ARX: variants seen among roughly 807,000 people sequenced by gnomAD.
ARX encodes the protein aristaless related homeobox.
Under a neutral mutation model 23.1 loss-of-function variants are expected in ARX, and 1 was observed. That is an observed-to-expected ratio of 0.04 (90% CI 0.02 to 0.21). The LOEUF is 0.21. Among genes scored for constraint, ARX ranks in the 10% least tolerant of loss-of-function variants. The pLI is 1.00. For synonymous variants in ARX, 301 were observed against 270.1 expected, an observed-to-expected ratio of 1.11 and a Z score of -1.12; for missense variants, 380 against 527.5, an observed-to-expected ratio of 0.72 and a Z score of 2.74.
In ARX at chrX:25,004,826, T is replaced by C. The variant is rs1556046751; in HGVS notation, c.1533A>G (p.Ala511=). The C allele has an allele frequency of 1.7e-6, 2 of 1,177,120 alleles. No individual in the cohort carries two copies. Among genetic ancestry groups the C allele is most frequent in the East Asian group, 3.1e-5 (1 of 32,132 alleles). The change falls in exon 5 of 5, where the codon GCA becomes GCG. Residue 511 remains alanine, a synonymous_variant. Transcript: ENST00000379044. The part of the protein sequence containing the change: ...LRQPTPAVEG[A]VASGALADPA... Reference sequence around the variant, plus strand: ...GGTCGGCCAGGGCGCCCGATGCCACTGCGCCCTCCACGGCGGGTGTGGGCT... The same window carrying C: ...GGTCGGCCAGGGCGCCCGATGCCACCGCGCCCTCCACGGCGGGTGTGGGCT...
At chrX:25,007,579 T>A in intron 3 of ARX, 140 bp from the exon 4 acceptor site, 1 of 826,844 alleles carries the variant, frequency 1.2e-6, no homozygotes, top group Non-Finnish European at 1.6e-6. Context: ...CTCTTTGGCC[T>A]CAGGTTGTTT....
chrX:25,010,775 TC>T (rs2048698810), intron 2 of ARX, among the ~76,000 whole-genome samples: 1 of 111,041 alleles, frequency 9.0e-6, no homozygotes, highest in African/African-American at 3.3e-5. Flanking sequence ...AAATTTCTCT[TC>T]CCTCCTTCTT....
At chrX:25,008,148 C>G (rs914388186) in intron 3 of ARX, among the ~76,000 whole-genome samples, 7 of 112,338 alleles carry the variant, frequency 6.2e-5, no homozygotes, top group African/African-American at 2.3e-4. Flanking sequence ...AAGAAAGGCT[C>G]GAGTTAATTA....
chrX:25,013,571 C>G lies in ARX; in HGVS notation c.424G>C (p.Ala142Pro). The part of the protein sequence containing the change: ...TARPGERPDG[A>P]GAAAAAAAAA... ...GCCGCGGCTGCCGCGGCGGCCCCTG[C>G]GCCGTCCGGCCGTTCCCCGGGCCGC... is the stretch of plus-strand genomic sequence containing the variant. The change falls in exon 2 of 5, where the codon GCA (alanine) becomes CCA (proline). Residue 142 changes from alanine (A) to proline (P), a missense_variant. This residue lies in a region of ARX where 235 missense variants were observed against 270.2 expected (regional missense o/e 0.87). Transcript: ENST00000379044. 1 of 761,087 alleles carries G rather than the reference C, an allele frequency of 1.3e-6. No homozygotes were observed. The highest frequency in any genetic ancestry group is 1.5e-6 in the Non-Finnish European group (1 of 645,567). The allele number at this position is 761,087 out of a possible 1,213,427, so 62.7% of individuals were successfully genotyped here. A position where few individuals can be genotyped will look rare whatever the true frequency, so the allele number is the denominator to read the frequency against.
At chrX:25,008,491 A>G (rs758090223) in intron 3 of ARX, among the ~76,000 whole-genome samples, 1 of 112,190 alleles carries the variant, frequency 8.9e-6, no homozygotes, top group African/African-American at 3.2e-5. Flanking sequence ...GGAGACCTTT[A>G]CCTGAAACAT....
In ARX at chrX:25,013,659, TGCCGCCGCCGCCGCCGCC is replaced by T. The variant is rs387906492; in HGVS notation, c.318_335del (p.Ala110_Ala115del). On this transcript the variant is annotated inframe_deletion, in exon 2 of 5. Transcript: ENST00000379044. ...GACCCGCCGTGGCCGTGGCGGCCGCTGCCGCCGCCGCCGCCGCCGCCGCCGCCGCCGCTGCCGCACCCT... is the reference window on the plus strand; with the variant it reads ...GACCCGCCGTGGCCGTGGCGGCCGCTGCCGCCGCCGCCGCTGCCGCACCCT... 20 of 770,739 alleles carry T rather than the reference TGCCGCCGCCGCCGCCGCC, an allele frequency of 2.6e-5. No homozygotes were observed. Among genetic ancestry groups the T allele is most frequent in the Admixed American group, 8.5e-5 (1 of 11,763 alleles). 63.5% of individuals were successfully genotyped at this position (770,739 alleles called of 1,213,427 possible). A position where few individuals can be genotyped will look rare whatever the true frequency, so the allele number is the denominator to read the frequency against.
chrX:25,007,238 AGGC>A lies in ARX; in HGVS notation c.1318_1320del (p.Ala440del), dbSNP rs398124508. ...CCCGGAGGCGGAGGTAGGCTCGGGAAGGCGGCGGCGGCGGCGGCGGCAGCGGCA... is the reference window on the plus strand; with the variant it reads ...CCCGGAGGCGGAGGTAGGCTCGGGAAGGCGGCGGCGGCGGCGGCAGCGGCA... On this transcript the variant is annotated inframe_deletion, in exon 4 of 5. Coordinates refer to ENST00000379044, the MANE Select transcript of ARX (RefSeq NM_139058.3). 171 of 1,122,372 alleles carry A rather than the reference AGGC, an allele frequency of 1.5e-4. No homozygotes were observed. Among genetic ancestry groups the A allele is most frequent in the Admixed American group, 9.9e-4 (32 of 32,461 alleles). The allele number at this position is 1,122,372 out of a possible 1,213,427, so 92.5% of individuals were successfully genotyped here.
chrX:25,007,513 C>A, intron 3 of ARX, 74 bp from the exon 4 acceptor site: 1 of 1,084,587 alleles, frequency 9.2e-7, no homozygotes. Context: ...CCGTCCCTTC[C>A]CTTGGCGCGC....
intron 3 of ARX, 79 bp from the exon 4 acceptor site, chrX:25,007,518 G>T (rs1288569122): frequency 4.7e-6 from 5 of 1,073,967 alleles, no homozygotes; most frequent in Middle Eastern, 3.5e-4. Flanking sequence ...CCTTCCCTTG[G>T]CGCGCTGCGG....
rs2048667535 is a variant in ARX, at chrX:25,004,438, T to C, written c.*232A>G. The C allele has an allele frequency of 8.8e-6, 4 of 454,393 alleles. No homozygotes were observed. The highest frequency in any genetic ancestry group is 1.5e-5 in the Non-Finnish European group (4 of 272,342). The allele number at this position is 454,393 out of a possible 1,213,427, so 37.4% of individuals were successfully genotyped here. On this transcript the variant is annotated 3_prime_UTR_variant, in exon 5 of 5. Coordinates refer to ENST00000379044, the MANE Select transcript of ARX (RefSeq NM_139058.3). Reference sequence around the variant, plus strand: ...AGTGGATGTTGGAGTTGGAGCGAGGTTGGCAGTAGCAGGGGCAGGGGCAGG... The same window carrying C: ...AGTGGATGTTGGAGTTGGAGCGAGGCTGGCAGTAGCAGGGGCAGGGGCAGG...
Position 25,004,923 on chromosome X carries a change from C to T in ARX, c.1449-13G>A. 1 of 1,116,197 alleles carries T rather than the reference C, an allele frequency of 9.0e-7. No homozygotes were observed. Among genetic ancestry groups the T allele is most frequent in the South Asian group, 2.3e-5 (1 of 43,277 alleles). The allele number at this position is 1,116,197 out of a possible 1,213,427, so 92.0% of individuals were successfully genotyped here. On this transcript the variant is annotated splice_polypyrimidine_tract_variant and intron_variant, in intron 4 of 4. Transcript: ENST00000379044. ...TGTGGAAAAGAGCCTGCAGGGAGAG[C>T]AAACAGCGCGGTCATGGCCTCGGGA...
chrX:25,013,508 G>T lies in ARX; in HGVS notation c.487C>A (p.Gln163Lys). ...CGGCTGATGCTCACCTGCGGCGCCT[G>T]GCTGATCTTGAGCGTGTCCCAGGCC... The part of the protein sequence containing the change: ...AAAWDTLKIS[Q>K]APQVSISRSK... Residue 163 changes from glutamine (Q) to lysine (K), a missense_variant, in exon 2 of 5, where the codon CAG becomes AAG. Around this residue, in one of 3 missense-constraint regions of ARX, gnomAD observed 235 missense variants for 270.2 expected, o/e 0.87. Transcript: ENST00000379044. 1.1e-6 allele frequency: 1 copy of T among 878,598 alleles called. No homozygotes were observed. The highest frequency in any genetic ancestry group is 1.4e-6 in the Non-Finnish European group (1 of 721,036). The allele number at this position is 878,598 out of a possible 1,213,427, so 72.4% of individuals were successfully genotyped here. A position where few individuals can be genotyped will look rare whatever the true frequency, so the allele number is the denominator to read the frequency against.
In ARX at chrX:25,013,644, G is replaced by T. The variant is rs1313243538; in HGVS notation, c.351C>A (p.Ala117=). 22 of 761,271 alleles carry T rather than the reference G, an allele frequency of 2.9e-5. No individual in the cohort carries two copies. The highest frequency in any genetic ancestry group is 3.4e-5 in the Non-Finnish European group (22 of 647,160). 62.7% of individuals were successfully genotyped at this position (761,271 alleles called of 1,213,427 possible). A position where few individuals can be genotyped will look rare whatever the true frequency, so the allele number is the denominator to read the frequency against. The part of the protein sequence containing the change: ...AAAAAAAAAT[A]TAGPRGEAPP... The stretch of plus-strand genomic sequence containing the variant: ...GGGCCTCCCCGCGTGGACCCGCCGT[G>T]GCCGTGGCGGCCGCTGCCGCCGCCG... Residue 117 remains alanine, a synonymous_variant, in exon 2 of 5, where the codon GCC becomes GCA. Coordinates refer to ENST00000379044, the MANE Select transcript of ARX (RefSeq NM_139058.3).
chrX:25,013,653 G>GGCCGCT lies in ARX; in HGVS notation c.336_341dup (p.Ala114_Ala115dup). 5 of 768,067 alleles carry GGCCGCT rather than the reference G, an allele frequency of 6.5e-6. No homozygotes were observed. The highest frequency in any genetic ancestry group is 7.7e-6 in the Non-Finnish European group (5 of 651,087). The allele number at this position is 768,067 out of a possible 1,213,427, so 63.3% of individuals were successfully genotyped here. Reference sequence around the variant, plus strand: ...CGCGTGGACCCGCCGTGGCCGTGGCGGCCGCTGCCGCCGCCGCCGCCGCCG... The same window carrying GGCCGCT: ...CGCGTGGACCCGCCGTGGCCGTGGCGGCCGCTGCCGCTGCCGCCGCCGCCGCCGCCG... On this transcript the variant is annotated inframe_insertion, in exon 2 of 5. Coordinates refer to ENST00000379044, the MANE Select transcript of ARX (RefSeq NM_139058.3).
Position 25,004,650 on chromosome X carries a change from G to T in ARX, c.*20C>A, listed in dbSNP as rs758087464. The stretch of plus-strand genomic sequence containing the variant: ...TGACCTTTCGGGGCGCGCGCGGGGC[G>T]CGGGTGTGGAGGGCAGCCTTTAGCA... On this transcript the variant is annotated 3_prime_UTR_variant, in exon 5 of 5. Coordinates refer to ENST00000379044, the MANE Select transcript of ARX (RefSeq NM_139058.3). 1.7e-6 allele frequency: 2 copies of T among 1,164,537 alleles called. No individual in the cohort carries two copies. Among genetic ancestry groups the T allele is most frequent in the South Asian group, 3.8e-5 (2 of 52,656 alleles).
Position 25,007,210 on chromosome X carries a change from G to A in ARX, c.1349C>T (p.Ser450Leu), listed in dbSNP as rs1410211479. 1.7e-6 allele frequency: 2 copies of A among 1,162,900 alleles called. No homozygotes were observed. The highest frequency in any genetic ancestry group is 1.1e-6 in the Non-Finnish European group (1 of 873,608). ...CGCCCCGCTGGGCGGCAGGCTGGCC[G>A]AGCCCGGAGGCGGAGGTAGGCTCGG... Reference protein sequence around the residue: ...AFPSLPPPPGSASLPPSGAPL... With the variant: ...AFPSLPPPPGLASLPPSGAPL... The change falls in exon 4 of 5, where the codon TCG becomes TTG. Residue 450 changes from serine (S) to leucine (L), a missense_variant. Ser to Leu is a moderately radical substitution (Grantham distance 145). Coordinates refer to ENST00000379044, the MANE Select transcript of ARX (RefSeq NM_139058.3).
Position 25,004,758 on chromosome X carries a change from G to C in ARX, c.1601C>G (p.Ala534Gly). The C allele has an allele frequency of 8.5e-7, 1 of 1,169,740 alleles. No homozygotes were observed. The highest frequency in any genetic ancestry group is 1.1e-6 in the Non-Finnish European group (1 of 874,680). Residue 534 changes from alanine to glycine, a missense_variant, in exon 5 of 5, where the codon GCG (alanine) becomes GGG (glycine). Ala to Gly is a moderately conservative substitution (Grantham distance 60). This residue lies in a region of ARX where 121 missense variants were observed against 169.7 expected (regional missense o/e 0.71). Transcript: ENST00000379044. ...AADRRASSIAALRLKAKEHAA... is the reference protein window; with the variant it reads ...AADRRASSIAGLRLKAKEHAA... ...GTGCTCCTTGGCCTTGAGCCTCAGCGCGGCTATGCTAGAGGCGCGTCTGTC... is the reference window on the plus strand; with the variant it reads ...GTGCTCCTTGGCCTTGAGCCTCAGCCCGGCTATGCTAGAGGCGCGTCTGTC...
rs2048667225 is a variant in ARX at position 25,004,347 on chromosome X, C to T, written c.*323G>A. 1 of 251,241 alleles carries T rather than the reference C, an allele frequency of 4.0e-6. No individual in the cohort carries two copies. Among genetic ancestry groups the T allele is most frequent in the South Asian group, 8.0e-5 (1 of 12,471 alleles). 20.7% of individuals were successfully genotyped at this position (251,241 alleles called of 1,213,427 possible). ...GAGGTTGGGCTTTTTAAATTTTTTA[C>T]TTCAATATCAGGCGTCTGGGGGAGA... is the stretch of plus-strand genomic sequence containing the variant. On this transcript the variant is annotated 3_prime_UTR_variant, in exon 5 of 5. Coordinates refer to ENST00000379044, the MANE Select transcript of ARX (RefSeq NM_139058.3).
chrX:25,007,897 G>A (rs2048685727), intron 3 of ARX, among the ~76,000 whole-genome samples: 1 of 111,350 alleles, frequency 9.0e-6, no homozygotes. Flanking sequence ...GCAAGTGAAA[G>A]CATGCATTCA....
Sources: gnomAD v4.1 joint callset for allele counts (sites outside exome capture counted in the v4.1 genomes callset) on GRCh38, gnomAD v4.1.1 for gene constraint, gnomAD v4.1.1 regional missense constraint, MANE v1.5 for transcripts, NCBI Gene and HGNC (gene_info 2026-07-23, HGNC 2026-07-21) for gene names.